Variants in ZFPM2 observed in about 807,000 individuals in gnomAD.
ZFPM2 encodes zinc finger protein, FOG family member 2, also known as zinc finger protein ZFPM2.
Under a neutral mutation model 98.6 loss-of-function variants are expected in ZFPM2, and 20 were observed. The observed-to-expected ratio is 0.20, with a 90% CI of 0.14 to 0.29. The LOEUF (loss-of-function observed/expected upper bound fraction) is 0.29, where lower values mean the gene tolerates loss of function less well. ZFPM2 is among the 10% of genes least tolerant of loss of function. ZFPM2 has a pLI of 1.00. For synonymous variants in ZFPM2, 518 were observed against 502.7 expected (o/e 1.03, Z -0.41); for missense variants, 1,310 against 1,388.6 (o/e 0.94, Z 0.90).
intron 1 of ZFPM2, among the ~76,000 whole-genome samples, chr8:105,400,840 T>C (rs1374469013): frequency 6.6e-6 from 1 of 152,188 alleles, no homozygotes; most frequent in East Asian, 1.9e-4. Context: ...ATTAGCCCTA[T>C]TTCCAGTGCT....
At chr8:105,603,999 T>G (rs555605061) in intron 4 of ZFPM2, among the ~76,000 whole-genome samples, 1 of 151,976 alleles carries the variant, frequency 6.6e-6, no homozygotes, top group Non-Finnish European at 1.5e-5. Flanking sequence ...TGGCTTTAAC[T>G]TCCATGTTAA....
At chr8:105,510,522 T>C (rs1360643555) in intron 3 of ZFPM2, among the ~76,000 whole-genome samples, 1 of 152,106 alleles carries the variant, frequency 6.6e-6, no homozygotes, top group Non-Finnish European at 1.5e-5. Context: ...ATAAAGTGAC[T>C]GATTATGGTT....
At chr8:105,535,567 G>A (rs749840414) in intron 3 of ZFPM2, among the ~76,000 whole-genome samples, 3 of 152,096 alleles carry the variant, frequency 2.0e-5, no homozygotes, top group African/African-American at 7.2e-5. Flanking sequence ...CGATTCTCTG[G>A]AAAATAATCC....
In ZFPM2 at chr8:105,801,287, G is replaced by C. The variant is rs760904704; in HGVS notation, c.1205G>C (p.Ser402Thr). 4 of 1,613,878 alleles carry C rather than the reference G, an allele frequency of 2.5e-6. No homozygotes were observed. The highest frequency in any genetic ancestry group is 3.4e-6 in the Non-Finnish European group (4 of 1,179,872). ...PRESDMEHSP[S>T]ATEDSLQPAT... ...GAAAGTGACATGGAACACTCTCCAAGTGCAACTGAAGACAGCTTACAGCCA... is the reference window on the plus strand; with the variant it reads ...GAAAGTGACATGGAACACTCTCCAACTGCAACTGAAGACAGCTTACAGCCA... Residue 402 changes from serine to threonine, a missense_variant, in exon 8 of 8, where the codon AGT becomes ACT. Ser to Thr is a moderately conservative substitution (Grantham distance 58, BLOSUM62 1). Coordinates refer to ENST00000407775, the MANE Select transcript of ZFPM2 (RefSeq NM_012082.4).
At chr8:105,394,790 C>T (rs150610733) in intron 1 of ZFPM2, among the ~76,000 whole-genome samples, 3 of 152,114 alleles carry the variant, frequency 2.0e-5, no homozygotes, top group Admixed American at 6.5e-5. Flanking sequence ...TTAAAGGGTG[C>T]GTCATTAAAT....
Position 105,394,183 on chromosome 8 carries a change from G to A in ZFPM2, c.41-24961G>A, listed in dbSNP as rs113360796. ...GCTGGGATTACAAGCGTGAGCCACC[G>A]CGCCCAGCCATAGACCTAAATATTT... is the stretch of plus-strand genomic sequence containing the variant. On this transcript the variant is annotated intron_variant, in intron 1 of 7. Coordinates refer to ENST00000407775, the MANE Select transcript of ZFPM2 (RefSeq NM_012082.4). 4.8e-4 allele frequency among the ~76,000 whole-genome samples: 73 copies of A among 152,158 alleles called. 1 individual carries two copies. The highest frequency in any genetic ancestry group is 1.5e-3 in the African/African-American group (63 of 41,482).
At chr8:105,457,839 A>G (rs1381804724) in intron 3 of ZFPM2, among the ~76,000 whole-genome samples, 1 of 152,166 alleles carries the variant, frequency 6.6e-6, no homozygotes, top group African/African-American at 2.4e-5. Context: ...ACCTGAGGAA[A>G]GGACAGACTC....
intron 1 of ZFPM2, among the ~76,000 whole-genome samples, chr8:105,383,855 A>T (rs554171807): frequency 6.6e-6 from 1 of 152,304 alleles, no homozygotes; most frequent in African/African-American, 2.4e-5. Flanking sequence ...AAGTATCACT[A>T]TATTAACTCA....
chr8:105,645,172 T>C (rs1021827129), intron 5 of ZFPM2, among the ~76,000 whole-genome samples: 1 of 152,226 alleles, frequency 6.6e-6, no homozygotes, highest in African/African-American at 2.4e-5. Flanking sequence ...TTCTTTAACA[T>C]AGAAAGCTAT....
At chr8:105,413,923 A>G (rs1444359796) in intron 1 of ZFPM2, among the ~76,000 whole-genome samples, 3 of 152,014 alleles carry the variant, frequency 2.0e-5, no homozygotes, top group African/African-American at 7.2e-5. Flanking sequence ...TTTCGGGGCA[A>G]ATTCACCTAG....
At chr8:105,469,187 C>T (rs1446529892) in intron 3 of ZFPM2, among the ~76,000 whole-genome samples, 6 of 152,136 alleles carry the variant, frequency 3.9e-5, no homozygotes, top group Non-Finnish European at 7.3e-5. Context: ...ATAAGTTTTG[C>T]CAACTTCAAG....
chr8:105,685,158 T>C (rs1810702097), intron 5 of ZFPM2, among the ~76,000 whole-genome samples: 1 of 152,106 alleles, frequency 6.6e-6, no homozygotes, highest in African/African-American at 2.4e-5. Flanking sequence ...GTTCTATTTT[T>C]TTACTGTCCA....
chr8:105,511,190 C>T (rs570044679), intron 3 of ZFPM2, among the ~76,000 whole-genome samples: 1 of 152,372 alleles, frequency 6.6e-6, no homozygotes, highest in East Asian at 1.9e-4. Flanking sequence ...CTCCCTCATC[C>T]TTCAGCAGCT....
intron 5 of ZFPM2, among the ~76,000 whole-genome samples, chr8:105,762,482 G>C (rs764546927): frequency 6.6e-6 from 1 of 151,840 alleles, no homozygotes; most frequent in Non-Finnish European, 1.5e-5. Context: ...CTTCATTTTG[G>C]TGTCACCTAT....
intron 3 of ZFPM2, among the ~76,000 whole-genome samples, chr8:105,519,737 G>A (rs531040319): frequency 4.6e-5 from 7 of 151,558 alleles, no homozygotes; most frequent in Non-Finnish European, 1.0e-4. Context: ...AGGAACACTT[G>A]ACTTCATGGT....
intron 5 of ZFPM2, among the ~76,000 whole-genome samples, chr8:105,696,594 A>G (rs2130949089): frequency 6.6e-6 from 1 of 152,356 alleles, no homozygotes; most frequent in African/African-American, 2.4e-5. Flanking sequence ...GGATATGCGT[A>G]AAGAAACAAT....
intron 4 of ZFPM2, among the ~76,000 whole-genome samples, chr8:105,609,561 C>T (rs1295786755): frequency 1.3e-5 from 2 of 152,130 alleles, no homozygotes; most frequent in East Asian, 3.9e-4. Flanking sequence ...CACAGCCTCC[C>T]ATTGCCAAAG....
chr8:105,362,077 G>A (rs1335050323), intron 1 of ZFPM2, among the ~76,000 whole-genome samples: 4 of 152,040 alleles, frequency 2.6e-5, no homozygotes, highest in Admixed American at 2.6e-4. Context: ...GTGTGTGTAT[G>A]TGTGCATACT....
chr8:105,733,085 T>A (rs1268203943), intron 5 of ZFPM2, among the ~76,000 whole-genome samples: 1 of 151,912 alleles, frequency 6.6e-6, no homozygotes, highest in South Asian at 2.1e-4. Flanking sequence ...GGAATATATG[T>A]GAATCCGTTC....
Sources: allele counts gnomAD v4.1 joint callset (sites outside exome capture counted in the v4.1 genomes callset), GRCh38; gene constraint gnomAD v4.1.1; transcripts MANE v1.5; gene names NCBI Gene and HGNC (gene_info 2026-07-23, HGNC 2026-07-21).